FAM83C: variants seen among roughly 807,000 people sequenced by gnomAD.
FAM83C encodes protein FAM83C.
Under a neutral mutation model 27.1 loss-of-function variants are expected in FAM83C, and 23 were observed. The observed-to-expected ratio is 0.85, with a 90% confidence interval of 0.61 to 1.20. FAM83C has a LOEUF of 1.20. FAM83C is among the 50% of genes most tolerant of loss of function. The probability of loss-of-function intolerance (pLI) is 0.00; values close to 1 mark genes in which losing one functional copy is unlikely to be tolerated. For missense variants in FAM83C, 984 were observed against 1,001.3 expected, an observed-to-expected ratio of 0.98 and a Z score of 0.23; for synonymous variants, 426 against 423.1, an observed-to-expected ratio of 1.01 and a Z score of -0.09.
rs374408772 is a variant in FAM83C, at chr20:35,287,812, G to C, written c.967C>G (p.Arg323Gly). The C allele has an allele frequency of 1.3e-6, 2 of 1,588,686 alleles. No homozygotes were observed. The highest frequency in any genetic ancestry group is 8.6e-7 in the Non-Finnish European group (1 of 1,166,220). ...GEDPLSPRAL[R>G]PPPVALAFRP... is the part of the protein sequence containing the mutation. ...AAGGCTAGGGCCACAGGGGGAGGACGCAGTGCCCGGGGAGACAGCGGGTCC... is the reference window on the plus strand; with the variant it reads ...AAGGCTAGGGCCACAGGGGGAGGACCCAGTGCCCGGGGAGACAGCGGGTCC... Residue 323 changes from arginine (R) to glycine (G), a missense_variant, in exon 4 of 4, where the codon CGT (arginine) becomes GGT (glycine). Coordinates refer to ENST00000374408, the MANE Select transcript of FAM83C (RefSeq NM_178468.6).
In FAM83C at chr20:35,287,045, C is replaced by T. The variant is rs2146271994; in HGVS notation, c.1734G>A (p.Arg578=). The T allele has an allele frequency of 6.2e-7, 1 of 1,605,258 alleles. No homozygotes were observed. The highest frequency in any genetic ancestry group is 8.5e-7 in the Non-Finnish European group (1 of 1,179,980). Residue 578 remains arginine, a synonymous_variant, in exon 4 of 4, where the codon CGG becomes CGA. Coordinates refer to ENST00000374408, the MANE Select transcript of FAM83C (RefSeq NM_178468.6). ...GGGACAGCCTCCTGTCCTCCAGGGC[C>T]CGATCACCAGGTCTGAGGGAACCCA... The part of the protein sequence containing the change: ...PELGSLRPGD[R]ALEDRRLSLN...
At position 35,286,653 on chromosome 20, in the gene FAM83C, C is replaced by G. The variant is rs776297311; in HGVS notation, c.2126G>C (p.Gly709Ala). The change falls in exon 4 of 4, where the codon GGT (glycine) becomes GCT (alanine). Residue 709 changes from glycine (G) to alanine (A), a missense_variant. By Grantham distance (60) the Gly-to-Ala change is moderately conservative. Coordinates refer to ENST00000374408, the MANE Select transcript of FAM83C (RefSeq NM_178468.6). Reference protein sequence around the residue: ...GGPKGGHLNGGNSDLVRDEKR... With the variant: ...GGPKGGHLNGANSDLVRDEKR... ...CTCATCCCTGACCAGGTCACTGTTACCACCATTGAGATGGCCACCCTTGGG... is the reference window on the plus strand; with the variant it reads ...CTCATCCCTGACCAGGTCACTGTTAGCACCATTGAGATGGCCACCCTTGGG... The G allele has an allele frequency of 1.2e-6, 2 of 1,614,016 alleles. No homozygotes were observed. The highest frequency in any genetic ancestry group is 1.7e-6 in the Non-Finnish European group (2 of 1,179,976).
intron 1 of FAM83C, among the ~76,000 whole-genome samples, chr20:35,290,546 T>C (rs181514530): frequency 7.2e-4 from 110 of 152,286 alleles, no homozygotes; most frequent in African/African-American, 2.5e-3. Context: ...GCTCAAGACA[T>C]AACAGAGCTC....
In FAM83C at chr20:35,288,485, T is replaced by C; in HGVS notation, c.782A>G (p.Glu261Gly). 1.2e-6 allele frequency: 2 copies of C among 1,614,048 alleles called. No individual in the cohort carries two copies. Among genetic ancestry groups the C allele is most frequent in the Non-Finnish European group, 1.7e-6 (2 of 1,179,974 alleles). ...CCTGTAACTGCCCGCCACCACTTGC[T>C]CACAGTCAATGAGGACGAACTTCTC... ...ALEKFVLIDCEQVVAGSYSFT... is the reference protein window; with the variant it reads ...ALEKFVLIDCGQVVAGSYSFT... Residue 261 changes from glutamate (E) to glycine (G), a missense_variant, in exon 3 of 4, where the codon GAG becomes GGG. Glu to Gly is a moderately conservative substitution (Grantham distance 98). Transcript: ENST00000374408.
chr20:35,287,427 G>A lies in FAM83C; in HGVS notation c.1352C>T (p.Pro451Leu), dbSNP rs768420912. 3.7e-6 allele frequency: 6 copies of A among 1,614,034 alleles called. No individual in the cohort carries two copies. The African/African-American group carries it at 8.0e-5, about 22-fold the overall frequency. ...VGSPLLPRSR[P>L]LLQFHRGAPA... ...GGCACCCCGATGGAACTGGAGGAGG[G>A]GCCGGGAGCGAGGAAGCAGAGGTGA... The change falls in exon 4 of 4, where the codon CCC becomes CTC. Residue 451 changes from proline to leucine, a missense_variant. Pro to Leu is a moderately conservative substitution (Grantham distance 98). Transcript: ENST00000374408.
intron 1 of FAM83C, among the ~76,000 whole-genome samples, chr20:35,290,976 C>G (rs567356806): frequency 1.3e-5 from 2 of 152,216 alleles, no homozygotes; most frequent in South Asian, 2.1e-4. Flanking sequence ...CCCCTGGAGT[C>G]GGAGGCCAGG....
chr20:35,291,035 G>A (rs924773259), intron 1 of FAM83C, among the ~76,000 whole-genome samples: 1 of 152,194 alleles, frequency 6.6e-6, no homozygotes, highest in Non-Finnish European at 1.5e-5. Flanking sequence ...CTTTCTGGGT[G>A]CTGACCACCC....
Position 35,288,449 on chromosome 20 carries a change from GTGCCTGCTCACCTGTAAC to G in FAM83C, c.800_806+11del. ...AGCCCCAGGCCCCCCTTGCCTCCTC[GTGCCTGCTCACCTGTAAC>G]TGCCCGCCACCACTTGCTCACAGTC... On this transcript the variant is annotated splice_donor_variant and splice_donor_5th_base_variant and coding_sequence_variant and intron_variant, in exon 3 of 4. Transcript: ENST00000374408. LOFTEE classifies it high-confidence loss of function. 1 of 1,613,748 alleles carries G rather than the reference GTGCCTGCTCACCTGTAAC, an allele frequency of 6.2e-7. No homozygotes were observed. The highest frequency in any genetic ancestry group is 8.5e-7 in the Non-Finnish European group (1 of 1,179,890).
Position 35,287,165 on chromosome 20 carries a change from C to T in FAM83C, c.1614G>A (p.Glu538=). The change falls in exon 4 of 4, where the codon GAG becomes GAA. Residue 538 remains glutamate (E), a synonymous_variant. Transcript: ENST00000374408. Reference sequence around the variant, plus strand: ...ACAACCTCCTGTCCTCTGGGGCCTGCTCGCCAGGCCGAAGGGGGCCTGAGT... The same window carrying T: ...ACAACCTCCTGTCCTCTGGGGCCTGTTCGCCAGGCCGAAGGGGGCCTGAGT... The part of the protein sequence containing the change: ...TPNSGPLRPG[E]QAPEDRRLSP... 6.2e-7 allele frequency: 1 copy of T among 1,606,512 alleles called. No homozygotes were observed.
At chr20:35,290,565 T>C (rs1045850959) in intron 1 of FAM83C, among the ~76,000 whole-genome samples, 3 of 152,192 alleles carry the variant, frequency 2.0e-5, no homozygotes, top group Non-Finnish European at 2.9e-5. Flanking sequence ...TCTATAAACA[T>C]TGGGCTGCAG....
rs1240276503 is a variant in FAM83C at position 35,287,244 on chromosome 20, A to T, written c.1535T>A (p.Val512Asp). 3.1e-6 allele frequency: 5 copies of T among 1,612,902 alleles called. No individual in the cohort carries two copies. The highest frequency in any genetic ancestry group is 3.4e-6 in the Non-Finnish European group (4 of 1,179,966). The change falls in exon 4 of 4, where the codon GTC (valine) becomes GAC (aspartate). Residue 512 changes from valine to aspartate, a missense_variant. Physicochemically the swap from Val to Asp is radical, Grantham distance 152. Transcript: ENST00000374408. ...SQSRGQLDLL[V>D]PFPRAREVGD... is the part of the protein sequence containing the mutation. ...CACTTCTCGGGCTCTGGGGAAGGGG[A>T]CAAGGAGATCCAGCTGGCCACGGCT...
chr20:35,288,846 A>T lies in FAM83C; in HGVS notation c.626T>A (p.Leu209Gln). The T allele has an allele frequency of 6.2e-7, 1 of 1,614,074 alleles. No homozygotes were observed. Among genetic ancestry groups the T allele is most frequent in the Non-Finnish European group, 8.5e-7 (1 of 1,179,976 alleles). ...PVYLLLAQEH[L>Q]RHFLEMCYKM... ...GTAGCACATCTCCAGGAAGTGCCTC[A>T]GGTGCTCCTGGGCAAGGAGCAGGTA... The change falls in exon 2 of 4, where the codon CTG becomes CAG. Residue 209 changes from leucine (L) to glutamine (Q), a missense_variant. Physicochemically the swap from Leu to Gln is moderately radical, Grantham distance 113 (BLOSUM62 -2). Coordinates refer to ENST00000374408, the MANE Select transcript of FAM83C (RefSeq NM_178468.6).
In FAM83C at chr20:35,288,869, G is replaced by T; in HGVS notation, c.603C>A (p.Tyr201Ter). Residue 201 changes from tyrosine (Y) to a stop codon, truncating the protein, a stop_gained, in exon 2 of 4, where the codon TAC becomes TAA. Transcript: ENST00000374408. LOFTEE classifies it high-confidence loss of function. ...EASSRRGVPV[Y>*]LLLAQEHLRH... Reference sequence around the variant, plus strand: ...TCAGGTGCTCCTGGGCAAGGAGCAGGTACACAGGGACACCACGCCGGCTTG... The same window carrying T: ...TCAGGTGCTCCTGGGCAAGGAGCAGTTACACAGGGACACCACGCCGGCTTG... 1.2e-6 allele frequency: 2 copies of T among 1,614,162 alleles called. No homozygotes were observed. The highest frequency in any genetic ancestry group is 1.7e-6 in the Non-Finnish European group (2 of 1,180,026).
chr20:35,291,111 C>T (rs540678204), intron 1 of FAM83C, among the ~76,000 whole-genome samples: 25 of 152,356 alleles, frequency 1.6e-4, no homozygotes, highest in African/African-American at 5.5e-4. Context: ...CAGCAGCCTC[C>T]TCTCCTCCTT....
rs1489447504 is a variant in FAM83C, at chr20:35,287,543, G to T, written c.1236C>A (p.Ala412=). 6.2e-7 allele frequency: 1 copy of T among 1,614,042 alleles called. No homozygotes were observed. Among genetic ancestry groups the T allele is most frequent in the Non-Finnish European group, 8.5e-7 (1 of 1,180,014 alleles). Residue 412 remains alanine (A), a synonymous_variant, in exon 4 of 4, where the codon GCC becomes GCA. Transcript: ENST00000374408. Reference sequence around the variant, plus strand: ...GGTATGCCCCTAGCTTGCCGAGATTGGCCCTATAGAGCCCAGGAGGGGAGC... The same window carrying T: ...GGTATGCCCCTAGCTTGCCGAGATTTGCCCTATAGAGCCCAGGAGGGGAGC... ...NHGSPPGLYR[A]NLGKLGAYPW... is the part of the protein sequence containing the mutation.
In FAM83C at chr20:35,287,239, A is replaced by G; in HGVS notation, c.1540T>C (p.Phe514Leu). Residue 514 changes from phenylalanine to leucine, a missense_variant, in exon 4 of 4, where the codon TTC (phenylalanine) becomes CTC (leucine). By Grantham distance (22) the Phe-to-Leu change is conservative. Coordinates refer to ENST00000374408, the MANE Select transcript of FAM83C (RefSeq NM_178468.6). ...SRGQLDLLVP[F>L]PRAREVGDPD... The stretch of plus-strand genomic sequence containing the variant: ...TCTCCCACTTCTCGGGCTCTGGGGA[A>G]GGGGACAAGGAGATCCAGCTGGCCA... 4.3e-6 allele frequency: 7 copies of G among 1,612,830 alleles called. No individual in the cohort carries two copies. The highest frequency in any genetic ancestry group is 5.9e-6 in the Non-Finnish European group (7 of 1,179,958).
At chr20:35,288,730 TC>T (rs2060837779) in intron 2 of FAM83C, 60 bp downstream of exon 2, 1 of 1,515,364 alleles carries the variant, frequency 6.6e-7, no homozygotes, top group Non-Finnish European at 8.9e-7. Flanking sequence ...ACCCACTGGC[TC>T]CCCTGCCCTC....
rs1449474417 is a variant in FAM83C at position 35,287,196 on chromosome 20, G to A, written c.1583C>T (p.Thr528Ile). The A allele has an allele frequency of 6.2e-7, 1 of 1,610,790 alleles. No individual in the cohort carries two copies. The highest frequency in any genetic ancestry group is 2.2e-5 in the East Asian group (1 of 44,878). The change falls in exon 4 of 4, where the codon ACC (threonine) becomes ATC (isoleucine). Residue 528 changes from threonine to isoleucine, a missense_variant. By Grantham distance (89) the Thr-to-Ile change is moderately conservative. Coordinates refer to ENST00000374408, the MANE Select transcript of FAM83C (RefSeq NM_178468.6). ...AGGCCGAAGGGGGCCTGAGTTGGGG[G>A]TAACCCCAGAGTCAGGGTCTCCCAC... is the stretch of plus-strand genomic sequence containing the variant. ...REVGDPDSGV[T>I]PNSGPLRPGE...
rs147288270 is a variant in FAM83C at position 35,291,824 on chromosome 20, G to A, written c.481C>T (p.Leu161=). 10 of 1,614,198 alleles carry A rather than the reference G, an allele frequency of 6.2e-6. No homozygotes were observed. Among genetic ancestry groups the A allele is most frequent in the Middle Eastern group, 1.6e-4 (1 of 6,062 alleles). ...QRDKAKNIKD[L]LRFLFSQAHT... is the part of the protein sequence containing the mutation. ...GCCTGGCTGAAAAGGAAGCGCAGCAGGTCCTTGATGTTCTTGGCCTTGTCC... is the reference window on the plus strand; with the variant it reads ...GCCTGGCTGAAAAGGAAGCGCAGCAAGTCCTTGATGTTCTTGGCCTTGTCC... The change falls in exon 1 of 4, where the codon CTG becomes TTG. Residue 161 remains leucine (L), a synonymous_variant. Coordinates refer to ENST00000374408, the MANE Select transcript of FAM83C (RefSeq NM_178468.6).
Sources: gnomAD v4.1 joint callset for allele counts (sites outside exome capture counted in the v4.1 genomes callset) on GRCh38, gnomAD v4.1.1 for gene constraint, MANE v1.5 for transcripts, NCBI Gene and HGNC (gene_info 2026-07-23, HGNC 2026-07-21) for gene names.